Variants in SLC2A9 observed in about 807,000 individuals in gnomAD.
SLC2A9 encodes solute carrier family 2 member 9, also known as solute carrier family 2, facilitated glucose transporter member 9.
In SLC2A9, 39 loss-of-function variants were observed where a neutral mutation model predicts 50.6. That is an observed-to-expected ratio of 0.77 (90% CI 0.60 to 1.01). The LOEUF (loss-of-function observed/expected upper bound fraction) is 1.01, where lower values mean the gene tolerates loss of function less well. SLC2A9 is among the 50% of genes least tolerant of loss of function. The probability of loss-of-function intolerance (pLI) is 0.00; values close to 1 mark genes in which losing one functional copy is unlikely to be tolerated. For synonymous variants in SLC2A9, 324 were observed against 276.9 expected (o/e 1.17, Z -1.69); for missense variants, 686 against 677.6 (o/e 1.01, Z -0.14).
intron 3 of SLC2A9, chr4:9,996,027 TAA>T (rs1758591952): frequency 6.5e-6 from 1 of 152,722 alleles, no homozygotes; most frequent in African/African-American, 2.4e-5. Flanking sequence ...GATTCATTGA[TAA>T]GTCAATCTGC....
chr4:10,028,180 C>T (rs542021639), intron 1 of SLC2A9, among the ~76,000 whole-genome samples: 5 of 152,214 alleles, frequency 3.3e-5, no homozygotes, highest in Non-Finnish European at 7.3e-5. Context: ...TCTGGTTGAT[C>T]GGGGGTCCCA....
At chr4:9,815,461 G>A (rs1723446913) in intron 3 of SLC2A9, among the ~76,000 whole-genome samples, 1 of 152,250 alleles carries the variant, frequency 6.6e-6, no homozygotes, top group South Asian at 2.1e-4. Flanking sequence ...CAAGCACAGG[G>A]CAGAGGTAGG....
intron 3 of SLC2A9, among the ~76,000 whole-genome samples, chr4:9,815,280 C>A (rs1027404942): frequency 2.0e-5 from 3 of 152,240 alleles, no homozygotes; most frequent in South Asian, 4.1e-4. Flanking sequence ...GGCACCTGCG[C>A]CCCACAGATA....
chr4:10,014,802 A>C (rs12641340), intron 2 of SLC2A9, among the ~76,000 whole-genome samples: 1 of 152,072 alleles, frequency 6.6e-6, no homozygotes, highest in Non-Finnish European at 1.5e-5. Flanking sequence ...CAGATACAGC[A>C]AGGTCAACAC....
chr4:9,814,237 G>A (rs1410695848), intron 3 of SLC2A9, among the ~76,000 whole-genome samples: 2 of 152,196 alleles, frequency 1.3e-5, no homozygotes, highest in Non-Finnish European at 2.9e-5. Context: ...GCTATCAGTG[G>A]TTTGTCTTAC....
intron 8 of SLC2A9, among the ~76,000 whole-genome samples, chr4:9,902,325 G>A (rs1378714851): frequency 6.6e-6 from 1 of 152,232 alleles, no homozygotes; most frequent in Non-Finnish European, 1.5e-5. Context: ...CACTGGCACA[G>A]AGCAGGGGCC....
intron 5 of SLC2A9, among the ~76,000 whole-genome samples, chr4:9,950,136 A>G (rs1346318924): frequency 6.6e-6 from 1 of 152,200 alleles, no homozygotes; most frequent in Non-Finnish European, 1.5e-5. Flanking sequence ...CAAGCCAGCT[A>G]GTAAGATGGC....
intron 1 of SLC2A9, chr4:10,019,371 A>G (rs896633866): frequency 8.2e-5 from 40 of 485,224 alleles, no homozygotes; most frequent in Non-Finnish European, 1.3e-4. Flanking sequence ...GCAGCTCCAC[A>G]CGATCCTTTC....
At chr4:9,975,137 C>T (rs2109038979) in intron 5 of SLC2A9, among the ~76,000 whole-genome samples, 1 of 152,246 alleles carries the variant, frequency 6.6e-6, no homozygotes, top group South Asian at 2.1e-4. Context: ...TGAAAGACCT[C>T]AAACTATAAG....
intron 2 of SLC2A9, among the ~76,000 whole-genome samples, chr4:9,998,250 G>A (rs1156436668): frequency 6.6e-6 from 1 of 152,198 alleles, no homozygotes; most frequent in East Asian, 1.9e-4. Context: ...CCCAACGTGA[G>A]CCCGCAAACC....
intron 10 of SLC2A9, among the ~76,000 whole-genome samples, chr4:9,835,786 A>T (rs766987189): frequency 6.6e-6 from 1 of 152,156 alleles, no homozygotes; most frequent in Admixed American, 6.5e-5. Context: ...ATGCAAAGGC[A>T]TAAGAATGAT....
intron 2 of SLC2A9, among the ~76,000 whole-genome samples, chr4:9,998,112 G>T (rs1396461759): frequency 6.6e-6 from 1 of 152,132 alleles, no homozygotes; most frequent in Non-Finnish European, 1.5e-5. Flanking sequence ...TCTCATCGCT[G>T]CCAATTCTGA....
chr4:9,811,141 G>A (rs1457246997), intron 3 of SLC2A9, among the ~76,000 whole-genome samples: 1 of 152,152 alleles, frequency 6.6e-6, no homozygotes, highest in Non-Finnish European at 1.5e-5. Context: ...ATGGACTCAG[G>A]GATACACAAA....
intron 10 of SLC2A9, among the ~76,000 whole-genome samples, chr4:9,837,511 C>T (rs969838520): frequency 6.6e-6 from 1 of 152,182 alleles, no homozygotes; most frequent in Non-Finnish European, 1.5e-5. Flanking sequence ...GTGGATAACT[C>T]AGTACTTCTG....
chr4:9,791,277 T>C (rs1577290915), intron 3 of SLC2A9, among the ~76,000 whole-genome samples: 2 of 152,232 alleles, frequency 1.3e-5, no homozygotes, highest in South Asian at 4.1e-4. Context: ...ACTTGTCTCA[T>C]TAAACATCTA....
At chr4:9,845,073 G>A (rs1194375491) in intron 10 of SLC2A9, among the ~76,000 whole-genome samples, 1 of 152,008 alleles carries the variant, frequency 6.6e-6, no homozygotes, top group Non-Finnish European at 1.5e-5. Flanking sequence ...GAGTGCAGTG[G>A]CGCAATCTCG....
At chr4:10,021,502 AG>A, upstream of SLC2A9, 1 of 1,605,710 alleles carries the variant, frequency 6.2e-7, no homozygotes, top group Non-Finnish European at 8.5e-7. Flanking sequence ...GTGAGTGAGG[AG>A]GCAGAGTCCA....
At chr4:10,032,855 C>T (rs1195052997) in intron 1 of SLC2A9, among the ~76,000 whole-genome samples, 6 of 152,164 alleles carry the variant, frequency 3.9e-5, no homozygotes, top group Non-Finnish European at 5.9e-5. Flanking sequence ...AGTGAGGTTG[C>T]AGTTCTGATG....
At chr4:9,772,968 G>A (rs1450521833) in intron 1 of SLC2A9, among the ~76,000 whole-genome samples, 2 of 152,188 alleles carry the variant, frequency 1.3e-5, no homozygotes, top group African/African-American at 4.8e-5. Flanking sequence ...GCTTAGAGAG[G>A]TTACGTCACT....
Sources: gnomAD v4.1 joint callset for allele counts (sites outside exome capture counted in the v4.1 genomes callset) on GRCh38, gnomAD v4.1.1 for gene constraint, MANE v1.5 for transcripts, NCBI Gene and HGNC (gene_info 2026-07-23, HGNC 2026-07-21) for gene names.